The following ZC3H12B variants were observed in gnomAD, a reference collection of about 807,000 sequenced individuals.
ZC3H12B encodes the protein zinc finger CCCH-type containing 12B, also known as probable ribonuclease ZC3H12B.
ZC3H12B carries 7 observed loss-of-function variants against 43.9 expected under a neutral mutation model. The ratio of observed to expected loss-of-function variants is 0.16; its 90% CI spans 0.09 to 0.30. The LOEUF (loss-of-function observed/expected upper bound fraction) is 0.30, where lower values mean the gene tolerates loss of function less well. Among genes scored for constraint, ZC3H12B ranks in the 10% least tolerant of loss-of-function variants. The pLI, the probability that ZC3H12B is intolerant of heterozygous loss-of-function variation, is 1.00. For missense variants in ZC3H12B, 475 were observed against 670.2 expected, an observed-to-expected ratio of 0.71 and a Z score of 3.22; for synonymous variants, 222 against 241.7, an observed-to-expected ratio of 0.92 and a Z score of 0.76.
chrX:65,396,129 AC>A (rs2066693964), intron 2 of ZC3H12B, among the ~76,000 whole-genome samples: 2 of 111,628 alleles, frequency 1.8e-5, no homozygotes, highest in African/African-American at 6.5e-5. Context: ...TTTTCAAAAA[AC>A]CATCTCCTGG....
At chrX:65,342,938 A>G in the ZC3H12B span, among the ~76,000 whole-genome samples, 1 of 111,208 alleles carries the variant, frequency 9.0e-6, no homozygotes, top group African/African-American at 3.3e-5. Context: ...CAAAGAAGAA[A>G]AGGAAGACAT....
At chrX:65,175,968 G>C in the ZC3H12B span, among the ~76,000 whole-genome samples, 2 of 111,996 alleles carry the variant, frequency 1.8e-5, no homozygotes, top group Non-Finnish European at 3.8e-5. Flanking sequence ...GTGGCCATTT[G>C]GGCAGACACC....
chrX:65,118,415 A>C, the ZC3H12B span, among the ~76,000 whole-genome samples: 2 of 111,787 alleles, frequency 1.8e-5, no homozygotes, highest in African/African-American at 6.5e-5. Context: ...TTGATTTTGT[A>C]TCCTGAGACT....
intron 3 of ZC3H12B, among the ~76,000 whole-genome samples, chrX:65,472,912 A>G (rs868784826): frequency 1.1e-3 from 102 of 91,490 alleles, no homozygotes; most frequent in African/African-American, 2.7e-3. Flanking sequence ...ATATGTTTAT[A>G]TATATGTTTG....
At chrX:65,089,068 T>C in the ZC3H12B span, among the ~76,000 whole-genome samples, 2 of 112,202 alleles carry the variant, frequency 1.8e-5, no homozygotes. Flanking sequence ...AGTTCTTTCA[T>C]GATCATAGTT....
At chrX:65,297,672 A>T in the ZC3H12B span, among the ~76,000 whole-genome samples, 1 of 111,344 alleles carries the variant, frequency 9.0e-6, no homozygotes, top group Non-Finnish European at 1.9e-5. Flanking sequence ...GAACCAAAAA[A>T]GACCCCACAA....
At chrX:65,123,733 T>C in the ZC3H12B span, among the ~76,000 whole-genome samples, 1 of 107,782 alleles carries the variant, frequency 9.3e-6, no homozygotes, top group Non-Finnish European at 1.9e-5. Context: ...TTGTTTCTTT[T>C]TTTTTTTTTT....
chrX:65,196,899 G>A, the ZC3H12B span, among the ~76,000 whole-genome samples: 9 of 111,943 alleles, frequency 8.0e-5, no homozygotes, highest in Non-Finnish European at 1.5e-4. Context: ...TCTTAAGCAG[G>A]CTGAATTAAA....
At chrX:65,406,541 G>A (rs1336015742) in intron 3 of ZC3H12B, among the ~76,000 whole-genome samples, 1 of 99,179 alleles carries the variant, frequency 1.0e-5, no homozygotes, top group South Asian at 4.9e-4. Context: ...CTGCGGGCTA[G>A]CGTCCCCCGC....
the ZC3H12B span, among the ~76,000 whole-genome samples, chrX:65,112,893 T>C: frequency 8.9e-6 from 1 of 112,078 alleles, no homozygotes; most frequent in Non-Finnish European, 1.9e-5. Context: ...ATTTAAGAAA[T>C]ACATTTCATA....
the ZC3H12B span, among the ~76,000 whole-genome samples, chrX:65,158,392 G>A: frequency 4.5e-5 from 5 of 111,501 alleles, no homozygotes; most frequent in African/African-American, 1.6e-4. Context: ...CCCACCAACA[G>A]TGTAAAAGTG....
intron 1 of ZC3H12B, among the ~76,000 whole-genome samples, chrX:65,367,645 G>A (rs188339236): frequency 9.0e-6 from 1 of 110,847 alleles, no homozygotes; most frequent in East Asian, 2.8e-4. Flanking sequence ...AATTTTCCAA[G>A]GCATTCTTAA....
At position 65,366,968 on chromosome X, in the gene ZC3H12B, C is replaced by G. The variant is rs985887841; in HGVS notation, n.125+206C>G. Among the ~76,000 whole-genome samples the G allele has an allele frequency of 2.7e-5, 3 of 112,167 alleles. No homozygotes were observed. The Admixed American group carries it at 2.8e-4, about 11-fold the overall frequency. Reference sequence around the variant, plus strand: ...AATGCTTTCTCCCTTGAGGATCTTACAAGATATTTAGCAGATATTTATTGA... The same window carrying G: ...AATGCTTTCTCCCTTGAGGATCTTAGAAGATATTTAGCAGATATTTATTGA... On this transcript the variant is annotated intron_variant and non_coding_transcript_variant, in intron 1 of 5. Coordinates refer to the ZC3H12B transcript ENST00000617377.
At chrX:65,083,198 G>A in the ZC3H12B span, among the ~76,000 whole-genome samples, 1 of 111,141 alleles carries the variant, frequency 9.0e-6, no homozygotes, top group Non-Finnish European at 1.9e-5. Context: ...CTAGACTCGG[G>A]AATGCAACAA....
the ZC3H12B span, among the ~76,000 whole-genome samples, chrX:65,218,203 G>T: frequency 8.9e-6 from 1 of 112,192 alleles, no homozygotes; most frequent in African/African-American, 3.2e-5. Context: ...AAGAGGCAGG[G>T]CTAACTTGCA....
At chrX:65,335,009 G>A in the ZC3H12B span, among the ~76,000 whole-genome samples, 3 of 111,626 alleles carry the variant, frequency 2.7e-5, no homozygotes, top group Non-Finnish European at 5.6e-5. Context: ...AACGTGCAGA[G>A]AGTGGAGTAT....
At chrX:65,289,916 C>T in the ZC3H12B span, among the ~76,000 whole-genome samples, 3 of 110,568 alleles carry the variant, frequency 2.7e-5, no homozygotes, top group African/African-American at 9.8e-5. Flanking sequence ...TGGACATTGT[C>T]GTAAGCAAGG....
At chrX:65,131,055 A>G in the ZC3H12B span, among the ~76,000 whole-genome samples, 1 of 112,120 alleles carries the variant, frequency 8.9e-6, no homozygotes, top group Admixed American at 9.4e-5. Flanking sequence ...ATAACAGCAC[A>G]GTGGTGCAGG....
chrX:65,216,241 G>A, the ZC3H12B span, among the ~76,000 whole-genome samples: 256 of 111,941 alleles, frequency 2.3e-3, 1 homozygote, highest in African/African-American at 7.9e-3. Flanking sequence ...AGGAAGGACA[G>A]TTTTACATTG....
Sources: allele counts gnomAD v4.1 joint callset (sites outside exome capture counted in the v4.1 genomes callset), GRCh38; gene constraint gnomAD v4.1.1; transcripts MANE v1.5; gene names NCBI Gene and HGNC (gene_info 2026-07-23, HGNC 2026-07-21).